RSPO2: variants seen among roughly 807,000 people sequenced by gnomAD.
RSPO2 encodes R-spondin 2.
Under a neutral mutation model 30.9 loss-of-function variants are expected in RSPO2, and 14 were observed. The observed-to-expected ratio is 0.45, with a 90% CI of 0.30 to 0.71. The LOEUF (loss-of-function observed/expected upper bound fraction) is 0.71, where lower values mean the gene tolerates loss of function less well. Ranked by LOEUF, RSPO2 falls within the 30% of genes least tolerant of loss-of-function variation. The probability of loss-of-function intolerance (pLI) is 0.08; values close to 1 mark genes in which losing one functional copy is unlikely to be tolerated. For missense variants in RSPO2, 264 were observed against 301.9 expected, an observed-to-expected ratio of 0.87 and a Z score of 0.93; for synonymous variants, 107 against 96.4, an observed-to-expected ratio of 1.11 and a Z score of -0.64.
intron 5 of RSPO2, among the ~76,000 whole-genome samples, chr8:107,951,058 TGTTGTTG>T (rs1563535658): frequency 6.7e-6 from 1 of 150,342 alleles, no homozygotes; most frequent in African/African-American, 2.5e-5. Flanking sequence ...TTTTTGTTGT[TGTTGTTG>T]TTGTTGTTGT....
At chr8:108,019,521 C>T (rs902812729) in intron 2 of RSPO2, among the ~76,000 whole-genome samples, 4 of 130,638 alleles carry the variant, frequency 3.1e-5, no homozygotes, top group Non-Finnish European at 4.8e-5. Flanking sequence ...GCCTTTCGGT[C>T]TTCTCAGCCT....
At chr8:108,079,254 T>C (rs1813110697) in intron 2 of RSPO2, among the ~76,000 whole-genome samples, 1 of 152,216 alleles carries the variant, frequency 6.6e-6, no homozygotes, top group South Asian at 2.1e-4. Context: ...AAGATATTCA[T>C]TGTCAGTATT....
At chr8:108,035,238 T>A (rs1222396628) in intron 2 of RSPO2, among the ~76,000 whole-genome samples, 1 of 152,184 alleles carries the variant, frequency 6.6e-6, no homozygotes. Flanking sequence ...CTTCTTAGTA[T>A]AAGTAAGCCA....
At chr8:107,982,558 C>T (rs774113749) in intron 3 of RSPO2, among the ~76,000 whole-genome samples, 47 of 152,282 alleles carry the variant, frequency 3.1e-4, no homozygotes, top group Non-Finnish European at 3.4e-4. Flanking sequence ...CCCCAACTTC[C>T]CCATCTGTGT....
At chr8:108,067,620 G>A (rs1413732859) in intron 2 of RSPO2, among the ~76,000 whole-genome samples, 1 of 152,174 alleles carries the variant, frequency 6.6e-6, no homozygotes, top group Non-Finnish European at 1.5e-5. Flanking sequence ...CAACACACAA[G>A]CATGAATAGA....
rs1182665716 is a variant in RSPO2 at position 108,060,820 on chromosome 8, A to C, written c.94+21725T>G. The stretch of plus-strand genomic sequence containing the variant: ...TTACCCTCAAAGGGAAGCCCATCAG[A>C]CTAACAGCAGATCTCTCAAAAGAAC... On this transcript the variant is annotated intron_variant, in intron 2 of 5. Coordinates refer to ENST00000276659, the MANE Select transcript of RSPO2 (RefSeq NM_178565.5). Among the ~76,000 whole-genome samples, 3 of 151,852 alleles carry C rather than the reference A, an allele frequency of 2.0e-5. 1 individual carries two copies. The highest frequency in any genetic ancestry group is 7.3e-5 in the African/African-American group (3 of 41,106).
chr8:108,012,440 C>A (rs1810737142), intron 2 of RSPO2, among the ~76,000 whole-genome samples: 1 of 152,130 alleles, frequency 6.6e-6, no homozygotes, highest in African/African-American at 2.4e-5. Context: ...TGAATTCAGC[C>A]CTTCTCCCTC....
At chr8:108,063,352 C>T (rs908736143) in intron 2 of RSPO2, among the ~76,000 whole-genome samples, 4 of 151,570 alleles carry the variant, frequency 2.6e-5, no homozygotes, top group Non-Finnish European at 4.4e-5. Context: ...ATAAAATCAA[C>T]CGGCAAAAAT....
At chr8:107,996,972 A>C in intron 2 of RSPO2, 1 of 450,554 alleles carries the variant, frequency 2.2e-6, no homozygotes, top group East Asian at 7.0e-5. Flanking sequence ...CTTAAAGCAA[A>C]AGTGATGTGA....
chr8:108,003,249 GTA>G (rs745984423), intron 2 of RSPO2, among the ~76,000 whole-genome samples: 18,735 of 43,968 alleles, frequency 0.43, 2,406 homozygotes, highest in Middle Eastern at 0.56. Context: ...ATGTATGTAT[GTA>G]TGTGTGTGTG....
At chr8:107,918,189 G>A (rs77642275) in intron 5 of RSPO2, among the ~76,000 whole-genome samples, 14,404 of 152,044 alleles carry the variant, frequency 0.095, 786 homozygotes, top group South Asian at 0.16. Context: ...AATGTCTTCC[G>A]AGCTATGTAC....
chr8:108,072,319 CTTTTTTTTT>C (rs34402426), intron 2 of RSPO2, among the ~76,000 whole-genome samples: 37 of 84,274 alleles, frequency 4.4e-4, no homozygotes, highest in Non-Finnish European at 5.7e-4. Context: ...TGGCAGAGAA[CTTTTTTTTT>C]TTTTTTTTTT....
At chr8:107,996,902 G>A (rs1476305669) in intron 2 of RSPO2, 2 of 454,220 alleles carry the variant, frequency 4.4e-6, no homozygotes, top group East Asian at 1.4e-4. Context: ...ATGAATTAGG[G>A]AATACTTACC....
intron 5 of RSPO2, among the ~76,000 whole-genome samples, chr8:107,908,535 T>A (rs1167251991): frequency 6.6e-6 from 1 of 152,192 alleles, no homozygotes; most frequent in Non-Finnish European, 1.5e-5. Context: ...GGGCAATAAT[T>A]CACTTTTACA....
chr8:107,956,012 C>CA lies in RSPO2; in HGVS notation c.616+2067dup, dbSNP rs760200564. On this transcript the variant is annotated intron_variant, in intron 5 of 5. Transcript: ENST00000276659. ...TCTTCTCCATTCTTCCACTAGTCGCCATGACCTATTGAAGAAAGGAACTTT... is the reference window on the plus strand; with the variant it reads ...TCTTCTCCATTCTTCCACTAGTCGCCAATGACCTATTGAAGAAAGGAACTTT... Among the ~76,000 whole-genome samples the CA allele has an allele frequency of 7.2e-5, 11 of 152,274 alleles. No homozygotes were observed. The East Asian group carries it at 1.3e-3, about 19-fold the overall frequency.
rs11434221 is a variant in RSPO2, at chr8:108,030,119, GAA to G, written c.95-40877_95-40876del. ...GAAAGTAGGGTCCTGGGATAGATAG[GAA>G]AAAAAAAAAAAAAAAAAAAAAAGCT... On this transcript the variant is annotated intron_variant, in intron 2 of 5. Transcript: ENST00000276659. 2.9e-3 allele frequency among the ~76,000 whole-genome samples: 208 copies of G among 70,980 alleles called. 1 individual carries two copies. Among genetic ancestry groups the G allele is most frequent in the African/African-American group, 9.6e-3 (193 of 20,026 alleles). The allele number at this position is 70,980 out of a possible 152,430, so 46.6% of individuals were successfully genotyped here.
intron 5 of RSPO2, among the ~76,000 whole-genome samples, chr8:107,905,236 A>T (rs551966512): frequency 6.6e-6 from 1 of 152,228 alleles, no homozygotes; most frequent in East Asian, 1.9e-4. Context: ...TACATCCCTC[A>T]GAGTAAGGCA....
At chr8:107,901,440 G>A (rs902662869) in intron 5 of RSPO2, among the ~76,000 whole-genome samples, 2 of 152,182 alleles carry the variant, frequency 1.3e-5, no homozygotes, top group African/African-American at 4.8e-5. Context: ...CCTCCCAGTG[G>A]CCTGATCCGT....
At chr8:107,941,410 A>T (rs141573962) in intron 5 of RSPO2, among the ~76,000 whole-genome samples, 1 of 152,194 alleles carries the variant, frequency 6.6e-6, no homozygotes, top group African/African-American at 2.4e-5. Flanking sequence ...GGGTGCCAAA[A>T]AATAGATCAC....
Sources: allele counts gnomAD v4.1 joint callset (sites outside exome capture counted in the v4.1 genomes callset), GRCh38; gene constraint gnomAD v4.1.1; transcripts MANE v1.5; gene names NCBI Gene and HGNC (gene_info 2026-07-23, HGNC 2026-07-21).